Variants in FOXP1 observed in about 807,000 individuals in gnomAD.
FOXP1 encodes forkhead box P1, also known as forkhead box protein P1.
Under a neutral mutation model 98.2 loss-of-function variants are expected in FOXP1, and 15 were observed. The observed-to-expected ratio is 0.15, with a 90% confidence interval of 0.10 to 0.24. FOXP1 has a LOEUF of 0.24. Ranked by LOEUF, FOXP1 falls within the 10% of genes least tolerant of loss-of-function variation. FOXP1 has a pLI of 1.00. For missense variants in FOXP1, 633 were observed against 848.5 expected (o/e 0.75, Z 3.15); for synonymous variants, 371 against 314.5 (o/e 1.18, Z -1.90).
chr3:71,203,413 T>G (rs1215280297), intron 5 of FOXP1, among the ~76,000 whole-genome samples: 1 of 152,244 alleles, frequency 6.6e-6, no homozygotes, highest in African/African-American at 2.4e-5. Context: ...AGCTGCTCTC[T>G]GGAAGTATTC....
In FOXP1 at chr3:71,469,057, G is replaced by A. The variant is rs150914924; in HGVS notation, c.-168+24369C>T. Among the ~76,000 whole-genome samples, 545 of 152,282 alleles carry A rather than the reference G, an allele frequency of 3.6e-3. 3 individuals carry two copies. The highest frequency in any genetic ancestry group is 0.012 in the African/African-American group (516 of 41,562). On this transcript the variant is annotated intron_variant, in intron 3 of 20. Coordinates refer to ENST00000649528, the MANE Select transcript of FOXP1 (RefSeq NM_001349338.3). ...CTTGTAAATGGCAATATCCAAATCAGAGAGGAAATGACAGTGCATTCCAAG... is the reference window on the plus strand; with the variant it reads ...CTTGTAAATGGCAATATCCAAATCAAAGAGGAAATGACAGTGCATTCCAAG...
intron 6 of FOXP1, among the ~76,000 whole-genome samples, chr3:71,170,757 G>T (rs751142504): frequency 6.6e-6 from 1 of 152,100 alleles, no homozygotes; most frequent in African/African-American, 2.4e-5. Flanking sequence ...CTCCCAGAAC[G>T]ACCACTAATT....
At chr3:71,506,394 T>C (rs965286530) in intron 2 of FOXP1, among the ~76,000 whole-genome samples, 1 of 152,088 alleles carries the variant, frequency 6.6e-6, no homozygotes, top group Non-Finnish European at 1.5e-5. Context: ...TTACATCTCC[T>C]GTCTCCACGG....
intron 6 of FOXP1, among the ~76,000 whole-genome samples, chr3:71,191,907 C>G (rs1325919740): frequency 3.9e-5 from 6 of 152,156 alleles, no homozygotes; most frequent in Non-Finnish European, 8.8e-5. Context: ...ATACTTTTCA[C>G]GTTATTTGAA....
At chr3:71,341,130 C>A (rs1290741381) in intron 4 of FOXP1, among the ~76,000 whole-genome samples, 3 of 152,024 alleles carry the variant, frequency 2.0e-5, no homozygotes, top group Non-Finnish European at 4.4e-5. Context: ...AGGAACCAAC[C>A]AACCAGACAT....
chr3:70,966,989 G>A (rs2034934560), intron 19 of FOXP1, among the ~76,000 whole-genome samples: 1 of 152,246 alleles, frequency 6.6e-6, no homozygotes, highest in Middle Eastern at 3.4e-3. Flanking sequence ...TGGTGATTAC[G>A]ACCCACTGAC....
intron 2 of FOXP1, among the ~76,000 whole-genome samples, chr3:71,580,402 G>A (rs1467620844): frequency 1.0e-5 from 1 of 99,956 alleles, no homozygotes; most frequent in East Asian, 1.9e-4. Context: ...GACAGAGGGG[G>A]GAAAAAAACA....
In FOXP1 at chr3:70,955,187, T is replaced by C. The variant is rs770431037; in HGVS notation, c.*4060A>G. 3.0e-5 allele frequency: 7 copies of C among 232,392 alleles called. No homozygotes were observed. The highest frequency in any genetic ancestry group is 2.4e-4 in the East Asian group (4 of 16,510). 14.4% of individuals were successfully genotyped at this position (232,392 alleles called of 1,614,324 possible). ...TTGGAAACGGAGTTCAGCTGGAATA[T>C]GGAAAAGAGAGGAAATATTTTTTAA... On this transcript the variant is annotated 3_prime_UTR_variant, in exon 21 of 21. Transcript: ENST00000649528.
At chr3:71,218,169 C>T (rs1471538923) in intron 5 of FOXP1, among the ~76,000 whole-genome samples, 1 of 152,328 alleles carries the variant, frequency 6.6e-6, no homozygotes, top group South Asian at 2.1e-4. Context: ...AAAGTCCCAC[C>T]TCTTCCCTTT....
intron 3 of FOXP1, among the ~76,000 whole-genome samples, chr3:71,452,671 G>A (rs1210706090): frequency 6.6e-6 from 1 of 152,154 alleles, no homozygotes; most frequent in Non-Finnish European, 1.5e-5. Flanking sequence ...ATCCTTTGAT[G>A]GTCACAGAGC....
chr3:71,530,305 C>A (rs550088649), intron 2 of FOXP1, among the ~76,000 whole-genome samples: 97 of 152,276 alleles, frequency 6.4e-4, no homozygotes, highest in Admixed American at 2.4e-3. Flanking sequence ...CAGAAGCAAG[C>A]TCAGCCCTCT....
intron 11 of FOXP1, among the ~76,000 whole-genome samples, chr3:71,036,893 A>C (rs1205260452): frequency 6.6e-6 from 1 of 152,340 alleles, no homozygotes; most frequent in South Asian, 2.1e-4. Flanking sequence ...ATTTCAATTA[A>C]ATTTAAAGTA....
intron 6 of FOXP1, among the ~76,000 whole-genome samples, chr3:71,152,573 C>T (rs1402347899): frequency 6.6e-6 from 1 of 152,136 alleles, no homozygotes; most frequent in Non-Finnish European, 1.5e-5. Context: ...GTGTGGGGGA[C>T]AGCTGTGGCT....
At chr3:71,052,326 C>T (rs758068484) in intron 9 of FOXP1, among the ~76,000 whole-genome samples, 13 of 152,134 alleles carry the variant, frequency 8.5e-5, no homozygotes, top group South Asian at 4.1e-4. Flanking sequence ...CACAGGTACA[C>T]GTGCAGTGGT....
At chr3:70,974,297 G>GTTTT (rs372286546) in intron 17 of FOXP1, among the ~76,000 whole-genome samples, 1 of 148,136 alleles carries the variant, frequency 6.8e-6, no homozygotes, top group African/African-American at 2.5e-5. Context: ...TAAATAAGCA[G>GTTTT]TTTTTTTTTT....
At chr3:71,011,562 G>A (rs1242930181) in intron 12 of FOXP1, among the ~76,000 whole-genome samples, 4 of 152,148 alleles carry the variant, frequency 2.6e-5, no homozygotes, top group Non-Finnish European at 5.9e-5. Context: ...GAAGCCAGCT[G>A]TACCACTGGA....
At chr3:71,445,554 G>A (rs573081467) in intron 3 of FOXP1, among the ~76,000 whole-genome samples, 2 of 152,166 alleles carry the variant, frequency 1.3e-5, no homozygotes, top group South Asian at 2.1e-4. Context: ...TTTCTTTGTT[G>A]AATTCCCTAT....
chr3:71,543,505 CCAAG>C (rs1473627387), intron 2 of FOXP1: 1 of 152,514 alleles, frequency 6.6e-6, no homozygotes, highest in East Asian at 1.9e-4. Flanking sequence ...GTAGTTGACA[CCAAG>C]CCCTGGTTAG....
At chr3:71,102,930 C>T (rs887347409) in intron 7 of FOXP1, among the ~76,000 whole-genome samples, 4 of 152,128 alleles carry the variant, frequency 2.6e-5, no homozygotes, top group Non-Finnish European at 5.9e-5. Context: ...CACTTTCCTC[C>T]CCTGTAAAAT....
Sources: allele counts gnomAD v4.1 joint callset (sites outside exome capture counted in the v4.1 genomes callset), GRCh38; gene constraint gnomAD v4.1.1; transcripts MANE v1.5; gene names NCBI Gene and HGNC (gene_info 2026-07-23, HGNC 2026-07-21).